COMMD10: variants seen among roughly 807,000 people sequenced by gnomAD.
COMMD10 encodes the protein COMM domain containing 10, also known as COMM domain-containing protein 10.
Under a neutral mutation model 28.9 loss-of-function variants are expected in COMMD10, and 33 were observed. The observed-to-expected ratio is 1.14, with a 90% CI of 0.87 to 1.53. COMMD10 has a LOEUF of 1.53. Ranked by LOEUF, COMMD10 falls within the 40% of genes most tolerant of loss-of-function variation. The pLI, the probability that COMMD10 is intolerant of heterozygous loss-of-function variation, is 0.00. For missense variants in COMMD10, 310 were observed against 233.4 expected, an observed-to-expected ratio of 1.33 and a Z score of -2.14; for synonymous variants, 110 against 81.7, an observed-to-expected ratio of 1.35 and a Z score of -1.87.
chr5:116,187,643 A>G (rs1748185365), intron 5 of COMMD10, among the ~76,000 whole-genome samples: 1 of 152,106 alleles, frequency 6.6e-6, no homozygotes, highest in Non-Finnish European at 1.5e-5. Context: ...TACATGTAAT[A>G]TATTTGTAGT....
intron 4 of COMMD10, among the ~76,000 whole-genome samples, chr5:116,096,243 C>G (rs1268409721): frequency 1.3e-5 from 2 of 151,394 alleles, no homozygotes; most frequent in African/African-American, 4.8e-5. Context: ...TTATTTAGGT[C>G]TTCTTTGATT....
chr5:116,285,888 T>G (rs1751206963), intron 5 of COMMD10, among the ~76,000 whole-genome samples: 1 of 151,860 alleles, frequency 6.6e-6, no homozygotes. Context: ...TAGAATAAGC[T>G]TGGAAGTATC....
At chr5:116,272,721 T>C (rs7715621) in intron 5 of COMMD10, among the ~76,000 whole-genome samples, 22,422 of 151,726 alleles carry the variant, frequency 0.15, 2,282 homozygotes, top group African/African-American at 0.27. Flanking sequence ...AGCTCTGTTC[T>C]TGTCTGCAGT....
chr5:116,215,787 C>T (rs1051924626), intron 5 of COMMD10, among the ~76,000 whole-genome samples: 13 of 147,258 alleles, frequency 8.8e-5, no homozygotes, highest in Non-Finnish European at 1.6e-4. Flanking sequence ...AGCATTTTCT[C>T]CTCTTCTCAT....
At chr5:116,108,431 C>T (rs988777249) in intron 4 of COMMD10, among the ~76,000 whole-genome samples, 1 of 52,168 alleles carries the variant, frequency 1.9e-5, no homozygotes, top group African/African-American at 5.8e-5. Flanking sequence ...GCTGCAGTGG[C>T]TTTTTGAGCT....
At chr5:116,206,923 TCTC>T (rs1748828358) in intron 5 of COMMD10, among the ~76,000 whole-genome samples, 2 of 152,170 alleles carry the variant, frequency 1.3e-5, no homozygotes, top group South Asian at 4.2e-4. Context: ...TCTCTCTCCA[TCTC>T]CTCAAAAAAT....
chr5:116,218,565 A>G (rs1238407816), intron 5 of COMMD10, among the ~76,000 whole-genome samples: 1 of 152,154 alleles, frequency 6.6e-6, no homozygotes, highest in Non-Finnish European at 1.5e-5. Context: ...AATTTATCCA[A>G]CTTGATAAAA....
At chr5:116,112,161 A>G (rs1751066461) in intron 4 of COMMD10, among the ~76,000 whole-genome samples, 1 of 152,104 alleles carries the variant, frequency 6.6e-6, no homozygotes, top group South Asian at 2.1e-4. Flanking sequence ...GATTATTTCT[A>G]CTTCATTTAT....
intron 4 of COMMD10, among the ~76,000 whole-genome samples, chr5:116,095,467 G>A (rs143170371): frequency 1.3e-5 from 2 of 152,122 alleles, no homozygotes; most frequent in African/African-American, 4.8e-5. Flanking sequence ...TTAACTTAAC[G>A]ATAGATTAAT....
chr5:116,177,844 A>G (rs1747775693), intron 5 of COMMD10, among the ~76,000 whole-genome samples: 1 of 152,134 alleles, frequency 6.6e-6, no homozygotes, highest in Non-Finnish European at 1.5e-5. Flanking sequence ...ATCCCACTTC[A>G]TACTGAGTTT....
chr5:116,201,206 T>G (rs778187640), intron 5 of COMMD10, among the ~76,000 whole-genome samples: 1 of 152,140 alleles, frequency 6.6e-6, no homozygotes, highest in Non-Finnish European at 1.5e-5. Flanking sequence ...TTAAATAGTT[T>G]CCTCTATGGG....
chr5:116,240,543 A>G (rs1162830335), intron 5 of COMMD10, among the ~76,000 whole-genome samples: 1 of 152,206 alleles, frequency 6.6e-6, no homozygotes, highest in Non-Finnish European at 1.5e-5. Context: ...AGCTAGCCTT[A>G]TGCAGCTGGT....
At chr5:116,098,794 A>AT (rs928410553) in intron 4 of COMMD10, among the ~76,000 whole-genome samples, 1 of 152,174 alleles carries the variant, frequency 6.6e-6, no homozygotes, top group Non-Finnish European at 1.5e-5. Flanking sequence ...TTTTTATTCC[A>AT]TTTTAAAAAC....
At chr5:116,248,222 A>G (rs749287906) in intron 5 of COMMD10, among the ~76,000 whole-genome samples, 1 of 151,860 alleles carries the variant, frequency 6.6e-6, no homozygotes, top group African/African-American at 2.4e-5. Flanking sequence ...TCATCCTTCT[A>G]TGACCTTGAA....
chr5:116,143,482 G>T (rs935514160), intron 5 of COMMD10, among the ~76,000 whole-genome samples: 2 of 151,700 alleles, frequency 1.3e-5, no homozygotes, highest in Non-Finnish European at 3.0e-5. Context: ...TAAAAATTTT[G>T]TGGGATTCCA....
intron 5 of COMMD10, among the ~76,000 whole-genome samples, chr5:116,135,801 C>T (rs76039155): frequency 4.6e-5 from 7 of 152,166 alleles, no homozygotes; most frequent in African/African-American, 1.2e-4. Flanking sequence ...CAGGCCTCCA[C>T]TGGGAGTTTT....
chr5:116,221,384 C>T (rs1236011332), intron 5 of COMMD10, among the ~76,000 whole-genome samples: 1 of 152,166 alleles, frequency 6.6e-6, no homozygotes, highest in East Asian at 1.9e-4. Flanking sequence ...TAAATTCTTT[C>T]TGTGTTACAA....
chr5:116,293,202 G>A lies in COMMD10; in HGVS notation c.*713G>A, dbSNP rs1264240017. The A allele has an allele frequency of 2.6e-6, 1 of 387,820 alleles. No homozygotes were observed. The highest frequency in any genetic ancestry group is 4.6e-6 in the Non-Finnish European group (1 of 219,486). 24.0% of individuals were successfully genotyped at this position (387,820 alleles called of 1,614,324 possible). A position where few individuals can be genotyped will look rare whatever the true frequency, so the allele number is the denominator to read the frequency against. The stretch of plus-strand genomic sequence containing the variant: ...AAATAATTGTAATGAGTGCTAAATG[G>A]GCACCATTATTCGAATCAGATACCT... On this transcript the variant is annotated 3_prime_UTR_variant, in exon 7 of 7. Transcript: ENST00000274458.
chr5:116,138,047 A>G (rs918516202), intron 5 of COMMD10, among the ~76,000 whole-genome samples: 1 of 151,872 alleles, frequency 6.6e-6, no homozygotes, highest in Non-Finnish European at 1.5e-5. Flanking sequence ...ATAACATTCA[A>G]AATAATTTGT....
Sources: gnomAD v4.1 joint callset for allele counts (sites outside exome capture counted in the v4.1 genomes callset) on GRCh38, gnomAD v4.1.1 for gene constraint, MANE v1.5 for transcripts, NCBI Gene and HGNC (gene_info 2026-07-23, HGNC 2026-07-21) for gene names.